PCDHGB3: variants seen among roughly 807,000 people sequenced by gnomAD.
PCDHGB3 encodes the protein protocadherin gamma-B3.
Under a neutral mutation model 59.2 loss-of-function variants are expected in PCDHGB3, and 40 were observed. The ratio of observed to expected loss-of-function variants is 0.68; its 90% CI spans 0.52 to 0.88. The LOEUF is 0.88. Ranked by LOEUF, PCDHGB3 falls within the 40% of genes least tolerant of loss-of-function variation. The pLI, the probability that PCDHGB3 is intolerant of heterozygous loss-of-function variation, is 0.00. For missense variants in PCDHGB3, 1,309 were observed against 1,187.9 expected (o/e 1.10, Z -1.50); for synonymous variants, 581 against 503.6 (o/e 1.15, Z -2.06).
chr5:141,422,070 A>G (rs1202364320), intron 1 of PCDHGB3: 3 of 1,612,480 alleles, frequency 1.9e-6, no homozygotes, highest in Non-Finnish European at 2.5e-6. Context: ...TAATGTATTC[A>G]TTTCGGAACA....
At position 141,476,923 on chromosome 5, in the gene PCDHGB3, G is replaced by A. The variant is rs368207814; in HGVS notation, c.2416-17884G>A. On this transcript the variant is annotated intron_variant, in intron 1 of 3. Transcript: ENST00000576222. This position sits in a 1 kb window ranked among gnomAD's most constrained non-coding sequence, Gnocchi z 7.6. ...CGCGCGTGGTACAAGTCCTTGCAAC[G>A]GATCTGGATGAAGGCCCCAACGGTG... The A allele has an allele frequency of 5.0e-6, 8 of 1,614,024 alleles. No individual in the cohort carries two copies. Among genetic ancestry groups the A allele is most frequent in the African/African-American group, 4.0e-5 (3 of 74,952 alleles).
chr5:141,405,010 CT>C (rs2094596164), intron 1 of PCDHGB3: 3 of 1,614,014 alleles, frequency 1.9e-6, no homozygotes, highest in Non-Finnish European at 2.5e-6. Context: ...ACCTGGAGGC[CT>C]CAGACCTTAC....
At position 141,379,535 on chromosome 5, in the gene PCDHGB3, G is replaced by A. The variant is rs1035667412; in HGVS notation, c.2415+6726G>A. On this transcript the variant is annotated intron_variant, in intron 1 of 3. Coordinates refer to ENST00000576222, the MANE Select transcript of PCDHGB3 (RefSeq NM_018924.5). ...ACATCTTGAGCATTTGTTGTTATAGGGAAAGCTCACTAACTACTTTTCATG... is the reference window on the plus strand; with the variant it reads ...ACATCTTGAGCATTTGTTGTTATAGAGAAAGCTCACTAACTACTTTTCATG... 103 of 152,098 alleles carry A rather than the reference G, an allele frequency of 6.8e-4. 1 individual carries two copies. Among genetic ancestry groups the A allele is most frequent in the African/African-American group, 2.4e-3 (101 of 41,410 alleles). 9.4% of individuals were successfully genotyped at this position (152,098 alleles called of 1,614,324 possible).
chr5:141,457,495 T>C (rs2098922394), intron 1 of PCDHGB3, among the ~76,000 whole-genome samples: 1 of 152,204 alleles, frequency 6.6e-6, no homozygotes, highest in Admixed American at 6.5e-5. Context: ...GTCTAAAATG[T>C]AGGCAAAAAG....
At chr5:141,508,017 G>C (rs2099865601) in intron 3 of PCDHGB3, 1 of 152,310 alleles carries the variant, frequency 6.6e-6, no homozygotes, top group Non-Finnish European at 1.5e-5. Context: ...TCTCAAGGAG[G>C]CTGCGGTTTG....
At chr5:141,472,786 G>A (rs549389294) in intron 1 of PCDHGB3, among the ~76,000 whole-genome samples, 1 of 151,888 alleles carries the variant, frequency 6.6e-6, no homozygotes, top group Non-Finnish European at 1.5e-5. Flanking sequence ...GGGAGTTCAA[G>A]ATCAGCCTGA....
In PCDHGB3 at chr5:141,430,746, G is replaced by A. The variant is rs369205374; in HGVS notation, c.2415+57937G>A. ...TAAGGGCAGAATTGAAAATAATTCTGGAGGAAGATAAGAATGATTCCTGCG... is the reference window on the plus strand; with the variant it reads ...TAAGGGCAGAATTGAAAATAATTCTAGAGGAAGATAAGAATGATTCCTGCG... On this transcript the variant is annotated intron_variant, in intron 1 of 3. Coordinates refer to ENST00000576222, the MANE Select transcript of PCDHGB3 (RefSeq NM_018924.5). 3.3e-5 allele frequency: 49 copies of A among 1,500,684 alleles called. No homozygotes were observed. The African/African-American group carries it at 6.3e-4, about 19-fold the overall frequency. The allele number at this position is 1,500,684 out of a possible 1,614,324, so 93.0% of individuals were successfully genotyped here.
At chr5:141,427,824 G>A (rs1298494092) in intron 1 of PCDHGB3, 5 of 1,535,458 alleles carry the variant, frequency 3.3e-6, no homozygotes, top group African/African-American at 1.4e-5. Flanking sequence ...GGTGGTGGTC[G>A]CGCAGCGTGC....
At chr5:141,405,359 GAC>G in intron 1 of PCDHGB3, 1 of 1,614,018 alleles carries the variant, frequency 6.2e-7, no homozygotes, top group Admixed American at 1.7e-5. Context: ...TCCTATAGAA[GAC>G]ACCCCTTTGG....
intron 1 of PCDHGB3, chr5:141,395,486 A>G: frequency 2.0e-6 from 1 of 510,062 alleles, no homozygotes; most frequent in Non-Finnish European, 3.4e-6. Flanking sequence ...TATTCCTATT[A>G]TCACTCATTC....
In PCDHGB3 at chr5:141,477,825, C is replaced by A; in HGVS notation, c.2416-16982C>A. The A allele has an allele frequency of 2.5e-6, 4 of 1,614,174 alleles. No individual in the cohort carries two copies. The South Asian group carries it at 4.4e-5, about 18-fold the overall frequency. On this transcript the variant is annotated intron_variant, in intron 1 of 3. Transcript: ENST00000576222. This position sits in a 1 kb window ranked among gnomAD's most constrained non-coding sequence, Gnocchi z 4.9. ...GACAATGCCCCCCAGGTCCTATATC[C>A]TCGGCCAGGTGGGAGCTCGGTGGAG...
chr5:141,465,454 T>G (rs1031876441), intron 1 of PCDHGB3, among the ~76,000 whole-genome samples: 1 of 152,184 alleles, frequency 6.6e-6, no homozygotes, highest in African/African-American at 2.4e-5. Context: ...AAGAAAACTC[T>G]CACCAAATTG....
intron 1 of PCDHGB3, chr5:141,400,401 G>T (rs760681088): frequency 3.1e-6 from 5 of 1,613,936 alleles, no homozygotes; most frequent in Non-Finnish European, 4.2e-6. Context: ...CAGGAAAGAC[G>T]GAGTTTAATT....
At position 141,477,131 on chromosome 5, in the gene PCDHGB3, TTGG is replaced by T; in HGVS notation, c.2416-17672_2416-17670del. 1 of 1,614,130 alleles carries T rather than the reference TTGG, an allele frequency of 6.2e-7. No individual in the cohort carries two copies. The highest frequency in any genetic ancestry group is 8.5e-7 in the Non-Finnish European group (1 of 1,180,014). On this transcript the variant is annotated intron_variant, in intron 1 of 3. Transcript: ENST00000576222. The surrounding 1 kb of genome is among the most constrained non-coding windows in gnomAD (Gnocchi z 4.9). The stretch of plus-strand genomic sequence containing the variant: ...TCCCGAAGGAGCACATTGCAAAGTG[TTGG>T]TGGAGGTTGTGGATGTGAATGACAA...
intron 1 of PCDHGB3, chr5:141,478,935 A>G: frequency 1.6e-6 from 1 of 638,574 alleles, no homozygotes. Flanking sequence ...GGCAGCTTCT[A>G]GGAATACAAA....
At chr5:141,400,268 C>T (rs976476082) in intron 1 of PCDHGB3, 3 of 1,613,962 alleles carry the variant, frequency 1.9e-6, no homozygotes, top group East Asian at 4.5e-5. Flanking sequence ...CTGCGACGCT[C>T]CTCCAGCCCT....
In PCDHGB3 at chr5:141,389,323, G is replaced by T. The variant is rs1230521211; in HGVS notation, c.2415+16514G>T. 26 of 1,613,980 alleles carry T rather than the reference G, an allele frequency of 1.6e-5. No individual in the cohort carries two copies. Among genetic ancestry groups the T allele is most frequent in the Non-Finnish European group, 1.8e-5 (21 of 1,179,896 alleles). ...GTCAGGGCTTCTGATCCGGACTTGG[G>T]GCCCAACGGCCAAGTCTCTTACTGC... On this transcript the variant is annotated intron_variant, in intron 1 of 3. Transcript: ENST00000576222.
chr5:141,426,297 G>T (rs1056504791), intron 1 of PCDHGB3: 3 of 171,478 alleles, frequency 1.7e-5, no homozygotes, highest in African/African-American at 7.1e-5. Context: ...TGGGAAACAG[G>T]GTGAAGCAGA....
At chr5:141,457,230 A>G (rs1248092452) in intron 1 of PCDHGB3, among the ~76,000 whole-genome samples, 2 of 152,174 alleles carry the variant, frequency 1.3e-5, no homozygotes, top group African/African-American at 4.8e-5. Flanking sequence ...GGTAATTTCC[A>G]TCTAAAATTT....
Sources: allele counts gnomAD v4.1 joint callset (sites outside exome capture counted in the v4.1 genomes callset), GRCh38; gene constraint gnomAD v4.1.1; non-coding constraint Gnocchi (gnomAD v3.1); transcripts MANE v1.5; gene names NCBI Gene and HGNC (gene_info 2026-07-23, HGNC 2026-07-21).